CDH18: variants seen among roughly 807,000 people sequenced by gnomAD.
CDH18 encodes the protein cadherin 18.
CDH18 carries 31 observed loss-of-function variants against 67.9 expected under a neutral mutation model. The observed-to-expected ratio is 0.46, with a 90% CI of 0.34 to 0.62. CDH18 has a LOEUF of 0.62. Ranked by LOEUF, CDH18 falls within the 20% of genes least tolerant of loss-of-function variation. The pLI, the probability that CDH18 is intolerant of heterozygous loss-of-function variation, is 0.01. For synonymous variants in CDH18, 362 were observed against 347.2 expected (o/e 1.04, Z -0.48); for missense variants, 890 against 975.5 (o/e 0.91, Z 1.17).
At chr5:19,971,590 T>C (rs1033089958) in intron 2 of CDH18, among the ~76,000 whole-genome samples, 1 of 151,918 alleles carries the variant, frequency 6.6e-6, no homozygotes, top group Non-Finnish European at 1.5e-5. Context: ...TGAAACCTAC[T>C]ATATGAAAGC....
intron 5 of CDH18, among the ~76,000 whole-genome samples, chr5:19,639,170 T>A (rs1261872118): frequency 2.0e-5 from 3 of 151,742 alleles, no homozygotes; most frequent in Non-Finnish European, 4.4e-5. Context: ...GCCTGGCTAA[T>A]TTTTTGTATT....
chr5:20,379,398 T>C (rs1320777396), intron 1 of CDH18, among the ~76,000 whole-genome samples: 2 of 152,194 alleles, frequency 1.3e-5, no homozygotes, highest in Non-Finnish European at 2.9e-5. Flanking sequence ...CAGTTTCTCC[T>C]GAGCAGGTAT....
chr5:19,532,296 A>G (rs1356980119), intron 9 of CDH18, among the ~76,000 whole-genome samples: 1 of 152,202 alleles, frequency 6.6e-6, no homozygotes, highest in Non-Finnish European at 1.5e-5. Flanking sequence ...AATATTATAA[A>G]TTATTGAAAA....
intron 2 of CDH18, among the ~76,000 whole-genome samples, chr5:19,953,120 A>C (rs917617655): frequency 6.6e-6 from 1 of 152,152 alleles, no homozygotes; most frequent in Non-Finnish European, 1.5e-5. Flanking sequence ...GAGGAAAGAC[A>C]CAAACAGTAC....
At chr5:20,486,265 G>A (rs566054117) in intron 1 of CDH18, among the ~76,000 whole-genome samples, 1 of 152,176 alleles carries the variant, frequency 6.6e-6, no homozygotes, top group Admixed American at 6.5e-5. Flanking sequence ...ATATCTAAGA[G>A]CAAAAGGAAC....
chr5:19,879,205 C>T (rs993956598), intron 2 of CDH18, among the ~76,000 whole-genome samples: 1 of 151,812 alleles, frequency 6.6e-6, no homozygotes, highest in African/African-American at 2.4e-5. Context: ...TGTAATGTTG[C>T]AAAGAGAGAT....
intron 3 of CDH18, among the ~76,000 whole-genome samples, chr5:19,789,890 G>A (rs978885687): frequency 6.6e-6 from 1 of 151,644 alleles, no homozygotes; most frequent in Non-Finnish European, 1.5e-5. Context: ...TAATACAGGT[G>A]TATATATTGT....
At chr5:20,082,366 A>G (rs1201876614) in intron 2 of CDH18, among the ~76,000 whole-genome samples, 1 of 152,216 alleles carries the variant, frequency 6.6e-6, no homozygotes, top group Non-Finnish European at 1.5e-5. Context: ...AGTAATGGTG[A>G]AATGTAATTA....
chr5:19,643,637 C>T (rs1317560503), intron 5 of CDH18, among the ~76,000 whole-genome samples: 2 of 152,108 alleles, frequency 1.3e-5, no homozygotes, highest in African/African-American at 4.8e-5. Context: ...CAAGCTCACA[C>T]ATTCAGAGTA....
intron 3 of CDH18, among the ~76,000 whole-genome samples, chr5:19,815,852 T>C (rs1456419953): frequency 1.3e-5 from 2 of 150,816 alleles, no homozygotes; most frequent in Admixed American, 6.6e-5. Flanking sequence ...TTTCTTGTAG[T>C]TGTTTTTGTT....
intron 9 of CDH18, among the ~76,000 whole-genome samples, chr5:19,533,310 G>A (rs577945160): frequency 6.6e-6 from 1 of 152,306 alleles, no homozygotes; most frequent in African/African-American, 2.4e-5. Flanking sequence ...AGAGGAATAG[G>A]ATTAGGCTTT....
chr5:20,208,972 C>T (rs1049792091), intron 2 of CDH18, among the ~76,000 whole-genome samples: 1 of 152,018 alleles, frequency 6.6e-6, no homozygotes, highest in Non-Finnish European at 1.5e-5. Flanking sequence ...AGAAGACATA[C>T]AAGTGGCAAC....
chr5:19,575,387 G>A (rs1742151063), intron 7 of CDH18, among the ~76,000 whole-genome samples: 1 of 152,054 alleles, frequency 6.6e-6, no homozygotes, highest in African/African-American at 2.4e-5. Context: ...GTATAACATG[G>A]GTATGTATTC....
At chr5:20,050,021 C>G (rs1741272946) in intron 2 of CDH18, among the ~76,000 whole-genome samples, 1 of 151,516 alleles carries the variant, frequency 6.6e-6, no homozygotes, top group Non-Finnish European at 1.5e-5. Context: ...AAAGTATGAG[C>G]CACATTCTCA....
chr5:20,545,901 C>T (rs1264158073), intron 1 of CDH18, among the ~76,000 whole-genome samples: 1 of 152,172 alleles, frequency 6.6e-6, no homozygotes, highest in Non-Finnish European at 1.5e-5. Flanking sequence ...TTATGCTCTG[C>T]TTCCCTTTTA....
intron 1 of CDH18, among the ~76,000 whole-genome samples, chr5:20,274,749 T>C (rs923981915): frequency 1.3e-5 from 2 of 152,178 alleles, no homozygotes; most frequent in African/African-American, 4.8e-5. Context: ...AAGAAAGCCA[T>C]TCTAGAAAAC....
rs771938347 is a variant in CDH18, at chr5:19,483,524, C to T, written c.1659G>A (p.Arg553=). 3 of 1,613,040 alleles carry T rather than the reference C, an allele frequency of 1.9e-6. No individual in the cohort carries two copies. The highest frequency in any genetic ancestry group is 2.5e-6 in the Non-Finnish European group (3 of 1,179,398). Residue 553 remains arginine, a synonymous_variant, in exon 12 of 13, where the codon CGG becomes CGA. Coordinates refer to ENST00000382275, the MANE Select transcript of CDH18 (RefSeq NM_004934.5). ...CCTGAACAGTTCGACTAAATCTCCT[C>T]CGCCTTGTCAGAATGCTGGCTGTGT... The part of the protein sequence containing the change: ...EDNTASILTR[R]RRFSRTVQDV...
At chr5:20,479,259 C>A (rs919270085) in intron 1 of CDH18, among the ~76,000 whole-genome samples, 1 of 151,918 alleles carries the variant, frequency 6.6e-6, no homozygotes, top group African/African-American at 2.4e-5. Context: ...TATGTCCTTA[C>A]CAAAAGAAGT....
At chr5:20,476,334 G>C (rs1036805254) in intron 1 of CDH18, among the ~76,000 whole-genome samples, 3 of 125,872 alleles carry the variant, frequency 2.4e-5, no homozygotes, top group African/African-American at 9.3e-5. Context: ...TGGCCATCAT[G>C]GTCATTACAT....
Sources: gnomAD v4.1 joint callset for allele counts (sites outside exome capture counted in the v4.1 genomes callset) on GRCh38, gnomAD v4.1.1 for gene constraint, MANE v1.5 for transcripts, NCBI Gene and HGNC (gene_info 2026-07-23, HGNC 2026-07-21) for gene names.